CRAMP1: variants seen among roughly 807,000 people sequenced by gnomAD.
The protein encoded by CRAMP1 is protein cramped-like.
CRAMP1 carries 50 observed loss-of-function variants against 115.4 expected under a neutral mutation model. The observed-to-expected ratio is 0.43, with a 90% CI of 0.35 to 0.55. The LOEUF is 0.55. CRAMP1 is among the 20% of genes least tolerant of loss of function. CRAMP1 has a pLI of 0.01. For missense variants in CRAMP1, 1,679 were observed against 1,721.7 expected, an observed-to-expected ratio of 0.98 and a Z score of 0.44; for synonymous variants, 866 against 745.4, an observed-to-expected ratio of 1.16 and a Z score of -2.64.
In CRAMP1 at chr16:1,665,062, A is replaced by G. The variant is rs1299268009; in HGVS notation, c.2676A>G (p.Thr892=). ...GTTGACCATTTTCCCCACAGAGAAC[A>G]CTGCTCCCTAGACCATCGGAAAACC... The part of the protein sequence containing the change: ...HLRKPLVVQR[T]LLPRPSENQS... Residue 892 remains threonine, a synonymous_variant, in exon 14 of 21, where the codon ACA becomes ACG. Transcript: ENST00000397412. 1 of 1,609,314 alleles carries G rather than the reference A, an allele frequency of 6.2e-7. No individual in the cohort carries two copies. Among genetic ancestry groups the G allele is most frequent in the Admixed American group, 1.7e-5 (1 of 59,988 alleles).
rs2036963436 is a variant in CRAMP1, at chr16:1,675,911, A to G, written c.*1866A>G. ...GCTTGTGTTTTGTGCTACGTATACCAGCTTCCAAAATTAGCATCTCATTGA... is the reference window on the plus strand; with the variant it reads ...GCTTGTGTTTTGTGCTACGTATACCGGCTTCCAAAATTAGCATCTCATTGA... On this transcript the variant is annotated 3_prime_UTR_variant, in exon 21 of 21. Coordinates refer to ENST00000397412, the MANE Select transcript of CRAMP1 (RefSeq NM_020825.4). 2 of 152,250 alleles carry G rather than the reference A, an allele frequency of 1.3e-5. No homozygotes were observed. The highest frequency in any genetic ancestry group is 2.9e-5 in the Non-Finnish European group (2 of 68,054). The allele number at this position is 152,250 out of a possible 1,614,324, so 9.4% of individuals were successfully genotyped here.
chr16:1,627,989 T>G (rs186150922), intron 3 of CRAMP1, among the ~76,000 whole-genome samples: 1 of 152,284 alleles, frequency 6.6e-6, no homozygotes, highest in East Asian at 1.9e-4. Context: ...GAGATGTGGT[T>G]GTCCATTAAA....
At chr16:1,629,652 G>A (rs1237574007) in intron 3 of CRAMP1, among the ~76,000 whole-genome samples, 1 of 152,130 alleles carries the variant, frequency 6.6e-6, no homozygotes, top group African/African-American at 2.4e-5. Context: ...TGCAGAGGCC[G>A]TCAAGTTGCT....
intron 2 of CRAMP1, among the ~76,000 whole-genome samples, chr16:1,617,241 G>A (rs2036427992): frequency 6.6e-6 from 1 of 152,196 alleles, no homozygotes; most frequent in Non-Finnish European, 1.5e-5. Flanking sequence ...GTCTGCCTTG[G>A]AGCTTCCCGG....
At position 1,674,250 on chromosome 16, in the gene CRAMP1, G is replaced by A; in HGVS notation, c.*205G>A. 2 of 595,404 alleles carry A rather than the reference G, an allele frequency of 3.4e-6. No homozygotes were observed. Among genetic ancestry groups the A allele is most frequent in the South Asian group, 2.0e-5 (1 of 49,518 alleles). 36.9% of individuals were successfully genotyped at this position (595,404 alleles called of 1,614,324 possible). On this transcript the variant is annotated 3_prime_UTR_variant, in exon 21 of 21. Coordinates refer to ENST00000397412, the MANE Select transcript of CRAMP1 (RefSeq NM_020825.4). ...GGATGAGTTCTTGGCAAGGGCCAGC[G>A]TTAGAAATCACTGTGGTACTAGAGC... is the stretch of plus-strand genomic sequence containing the variant.
intron 6 of CRAMP1, among the ~76,000 whole-genome samples, chr16:1,647,748 T>TAAA (rs35279793): frequency 3.4e-5 from 3 of 87,714 alleles, no homozygotes; most frequent in Admixed American, 1.3e-4. Context: ...GACTCTGCCT[T>TAAA]AAAAAAAAAA....
intron 14 of CRAMP1, chr16:1,665,814 C>T (rs187056815): frequency 5.2e-5 from 25 of 485,120 alleles, no homozygotes; most frequent in East Asian, 3.2e-4. Flanking sequence ...GAGCCATTTC[C>T]GCAGGATGAC....
At position 1,674,246 on chromosome 16, in the gene CRAMP1, C is replaced by A; in HGVS notation, c.*201C>A. The A allele has an allele frequency of 1.7e-6, 1 of 599,636 alleles. No individual in the cohort carries two copies. Among genetic ancestry groups the A allele is most frequent in the South Asian group, 2.0e-5 (1 of 49,656 alleles). 37.1% of individuals were successfully genotyped at this position (599,636 alleles called of 1,614,324 possible). ...ACTAGGATGAGTTCTTGGCAAGGGC[C>A]AGCGTTAGAAATCACTGTGGTACTA... is the stretch of plus-strand genomic sequence containing the variant. On this transcript the variant is annotated 3_prime_UTR_variant, in exon 21 of 21. Transcript: ENST00000397412.
Position 1,671,017 on chromosome 16 carries a change from ACAGACTTAGTCATAGCTGAGCTCTG to A in CRAMP1, c.3645+212_3645+236del. The stretch of plus-strand genomic sequence containing the variant: ...GGCTCTCGTCCCCACATGCAGAATG[ACAGACTTAGTCATAGCTGAGCTCTG>A]CAGGCCTCTGAACTGGAAACCCTGG... On this transcript the variant is annotated intron_variant, in intron 20 of 20. Transcript: ENST00000397412. This position sits in a 1 kb window ranked among gnomAD's most constrained non-coding sequence, Gnocchi z 5.0. Among the ~76,000 whole-genome samples the A allele has an allele frequency of 6.6e-6, 1 of 152,128 alleles. No homozygotes were observed. Among genetic ancestry groups the A allele is most frequent in the African/African-American group, 2.4e-5 (1 of 41,410 alleles).
chr16:1,664,145 G>A (rs748051658), intron 13 of CRAMP1, among the ~76,000 whole-genome samples: 4 of 152,202 alleles, frequency 2.6e-5, no homozygotes, highest in Admixed American at 2.0e-4. Context: ...AGGCGGAAGC[G>A]CCTCAGACAC....
rs2036846536 is a variant in CRAMP1 at position 1,663,062 on chromosome 16, A to G, written c.2670+227A>G. 3.3e-5 allele frequency among the ~76,000 whole-genome samples: 5 copies of G among 152,342 alleles called. No homozygotes were observed. The South Asian group carries it at 6.2e-4, about 19-fold the overall frequency. The stretch of plus-strand genomic sequence containing the variant: ...TGGAAATCCACTTGCAAAAAAGACA[A>G]TTATAGGGATTCAAGTCCAAAGAAT... On this transcript the variant is annotated intron_variant, in intron 13 of 20. Coordinates refer to ENST00000397412, the MANE Select transcript of CRAMP1 (RefSeq NM_020825.4).
intron 2 of CRAMP1, among the ~76,000 whole-genome samples, chr16:1,623,485 T>C (rs1054417649): frequency 1.3e-5 from 2 of 152,268 alleles, no homozygotes; most frequent in Non-Finnish European, 2.9e-5. Context: ...TATGGAATTT[T>C]AGGAAATTTA....
chr16:1,636,084 G>A (rs1193529917), intron 4 of CRAMP1, among the ~76,000 whole-genome samples: 4 of 152,196 alleles, frequency 2.6e-5, no homozygotes, highest in Non-Finnish European at 5.9e-5. Flanking sequence ...AAGAAAGTCT[G>A]ATGAGGCCAG....
intron 3 of CRAMP1, among the ~76,000 whole-genome samples, 178 bp downstream of exon 3, chr16:1,626,344 TCTC>T (rs1476922308): frequency 1.3e-5 from 2 of 152,232 alleles, no homozygotes; most frequent in African/African-American, 4.8e-5. Flanking sequence ...GGCTGTTTTA[TCTC>T]CTCATTGAGA....
intron 11 of CRAMP1, among the ~76,000 whole-genome samples, chr16:1,660,980 G>C (rs1049362325): frequency 2.6e-5 from 4 of 152,118 alleles, no homozygotes; most frequent in Non-Finnish European, 5.9e-5. Context: ...CTGCACTCCA[G>C]CTCGGGCAAC....
At chr16:1,619,553 T>G (rs1300176378) in intron 2 of CRAMP1, among the ~76,000 whole-genome samples, 1 of 152,126 alleles carries the variant, frequency 6.6e-6, no homozygotes, top group Non-Finnish European at 1.5e-5. Context: ...GAGTTTGTAG[T>G]TTAGTTGGGA....
chr16:1,620,041 TC>T (rs796697885), intron 2 of CRAMP1, among the ~76,000 whole-genome samples: 65 of 152,090 alleles, frequency 4.3e-4, no homozygotes, highest in African/African-American at 1.6e-3. Flanking sequence ...TAGGGGAGGC[TC>T]AGAACTCATC....
chr16:1,647,324 G>T (rs561415153), intron 6 of CRAMP1, among the ~76,000 whole-genome samples: 5 of 152,340 alleles, frequency 3.3e-5, no homozygotes, highest in African/African-American at 1.2e-4. Flanking sequence ...GATTTATCAA[G>T]TGGTTTTGCA....
intron 5 of CRAMP1, among the ~76,000 whole-genome samples, chr16:1,639,592 C>T (rs919711599): frequency 2.0e-5 from 3 of 152,066 alleles, no homozygotes; most frequent in Admixed American, 6.5e-5. Flanking sequence ...AAGACTTGGC[C>T]CCAGTCTTGG....
Sources: allele counts gnomAD v4.1 joint callset (sites outside exome capture counted in the v4.1 genomes callset), GRCh38; gene constraint gnomAD v4.1.1; non-coding constraint Gnocchi (gnomAD v3.1); transcripts MANE v1.5; gene names NCBI Gene and HGNC (gene_info 2026-07-23, HGNC 2026-07-21).